RFX7: variants seen among roughly 807,000 people sequenced by gnomAD.
RFX7 encodes regulatory factor X7, also known as DNA-binding protein RFX7.
A neutral mutation model predicts 111.8 loss-of-function variants in RFX7; 26 were observed. The ratio of observed to expected loss-of-function variants is 0.23; its 90% CI spans 0.17 to 0.32. The LOEUF is 0.32. Among genes scored for constraint, RFX7 ranks in the 10% least tolerant of loss-of-function variants. The probability of loss-of-function intolerance (pLI) is 1.00; values close to 1 mark genes in which losing one functional copy is unlikely to be tolerated. For synonymous variants in RFX7, 624 were observed against 624.4 expected, an observed-to-expected ratio of 1.00 and a Z score of 0.01; for missense variants, 1,573 against 1,772.9, an observed-to-expected ratio of 0.89 and a Z score of 2.02.
intron 2 of RFX7, among the ~76,000 whole-genome samples, chr15:56,212,983 A>G (rs142179533): frequency 6.6e-6 from 1 of 152,340 alleles, no homozygotes; most frequent in Admixed American, 6.5e-5. Context: ...TGTATACTAT[A>G]TACCTATAAG....
At chr15:56,119,685 G>A (rs549063451) in intron 5 of RFX7, among the ~76,000 whole-genome samples, 41 of 151,730 alleles carry the variant, frequency 2.7e-4, no homozygotes, top group Non-Finnish European at 3.7e-4. Flanking sequence ...GCTGAGGCAG[G>A]AGAATCGCGT....
In RFX7 at chr15:56,096,518, A is replaced by C. The variant is rs1487041623; in HGVS notation, c.1210T>G (p.Ser404Ala). The C allele has an allele frequency of 4.4e-6, 7 of 1,603,256 alleles. No homozygotes were observed. The highest frequency in any genetic ancestry group is 6.0e-6 in the Non-Finnish European group (7 of 1,174,690). ...GGAGTCTTTGGTGCCTGTTTCACAGACTGCATGTGCTGAGTGACCACCTGT... is the reference window on the plus strand; with the variant it reads ...GGAGTCTTTGGTGCCTGTTTCACAGCCTGCATGTGCTGAGTGACCACCTGT... Reference protein sequence around the residue: ...NVQVVTQHMQSVKQAPKTPQN... With the variant: ...NVQVVTQHMQAVKQAPKTPQN... The change falls in exon 10 of 10, where the codon TCT becomes GCT. Residue 404 changes from serine (S) to alanine (A), a missense_variant. Around this residue, in one of 7 missense-constraint regions of RFX7, gnomAD observed 288 missense variants for 337.9 expected, o/e 0.85. Transcript: ENST00000559447.
At position 56,087,586 on chromosome 15, in the gene RFX7, G is replaced by A. The variant is rs78110270; in HGVS notation, c.*5759C>T. 30,952 of 456,122 alleles carry A rather than the reference G, an allele frequency of 0.068. 1,339 individuals carry two copies. Among genetic ancestry groups the A allele is most frequent in the Admixed American group, 0.13 (5,477 of 42,558 alleles). 28.3% of individuals were successfully genotyped at this position (456,122 alleles called of 1,614,324 possible). A position where few individuals can be genotyped will look rare whatever the true frequency, so the allele number is the denominator to read the frequency against. On this transcript the variant is annotated 3_prime_UTR_variant, in exon 10 of 10. Transcript: ENST00000559447. ...GTAAGTGTCTCCACTTAACTGCAAG[G>A]GAAGTTGGCAGATGCAGCCTTTTGG...
intron 5 of RFX7, among the ~76,000 whole-genome samples, chr15:56,122,423 G>T (rs1376704369): frequency 6.6e-6 from 1 of 152,166 alleles, no homozygotes; most frequent in African/African-American, 2.4e-5. Flanking sequence ...GGAGCTGGGG[G>T]AGTGGTGACA....
At chr15:56,134,303 T>C (rs4310791) in intron 5 of RFX7, among the ~76,000 whole-genome samples, 57,268 of 151,936 alleles carry the variant, frequency 0.38, 11,047 homozygotes, top group East Asian at 0.41. Context: ...TTTATTATCA[T>C]TGTCAGAGAT....
At chr15:56,154,239 T>C (rs1211085158) in intron 3 of RFX7, among the ~76,000 whole-genome samples, 2 of 152,216 alleles carry the variant, frequency 1.3e-5, no homozygotes, top group African/African-American at 4.8e-5. Context: ...GCTATCCCCA[T>C]CAAGCTACCA....
intron 2 of RFX7, among the ~76,000 whole-genome samples, chr15:56,228,816 A>C (rs2043515704): frequency 6.6e-6 from 1 of 152,144 alleles, no homozygotes; most frequent in Non-Finnish European, 1.5e-5. Flanking sequence ...GATGCCTGAA[A>C]CCACAGATGG....
intron 5 of RFX7, among the ~76,000 whole-genome samples, chr15:56,130,697 G>A (rs1442222784): frequency 6.6e-6 from 1 of 151,418 alleles, no homozygotes; most frequent in African/African-American, 2.4e-5. Context: ...ATGAAAAAAA[G>A]ACAAGAAAAT....
At chr15:56,240,349 C>A (rs977377973) in intron 2 of RFX7, among the ~76,000 whole-genome samples, 1 of 151,960 alleles carries the variant, frequency 6.6e-6, no homozygotes, top group Non-Finnish European at 1.5e-5. Context: ...AGAAACATAA[C>A]AACATTGTCA....
chr15:56,141,193 C>G (rs2042387524), intron 5 of RFX7, among the ~76,000 whole-genome samples: 2 of 150,050 alleles, frequency 1.3e-5, no homozygotes, highest in African/African-American at 2.5e-5. Context: ...AAAACAAAAA[C>G]AAAAGTTAGC....
At chr15:56,224,364 G>T (rs2043458230) in intron 2 of RFX7, among the ~76,000 whole-genome samples, 1 of 151,686 alleles carries the variant, frequency 6.6e-6, no homozygotes, top group Non-Finnish European at 1.5e-5. Context: ...TTAAAAAGAA[G>T]AAAATAAATA....
chr15:56,233,550 C>G (rs2043591252), intron 2 of RFX7, among the ~76,000 whole-genome samples: 1 of 151,926 alleles, frequency 6.6e-6, no homozygotes, highest in Non-Finnish European at 1.5e-5. Flanking sequence ...AAATACTGGA[C>G]ACGAGGATGA....
At chr15:56,142,944 A>G (rs1310590666) in intron 4 of RFX7, 44 bp from the exon 5 acceptor site, 1 of 1,606,186 alleles carries the variant, frequency 6.2e-7, no homozygotes, top group Non-Finnish European at 8.5e-7. Context: ...ACAGCAATTC[A>G]TTAACGATTT....
rs1446321941 is a variant in RFX7 at position 56,163,720 on chromosome 15, A to G, written c.195+15550T>C. Reference sequence around the variant, plus strand: ...GTGGCTGATCTATAGCAGAGACTCAAAACAGTTATCATTATTCTTTGTTAT... The same window carrying G: ...GTGGCTGATCTATAGCAGAGACTCAGAACAGTTATCATTATTCTTTGTTAT... On this transcript the variant is annotated intron_variant, in intron 3 of 9. Transcript: ENST00000559447. Among the ~76,000 whole-genome samples, 9 of 152,320 alleles carry G rather than the reference A, an allele frequency of 5.9e-5. No individual in the cohort carries two copies. The East Asian group carries it at 1.7e-3, about 29-fold the overall frequency.
intron 5 of RFX7, among the ~76,000 whole-genome samples, chr15:56,140,534 T>A (rs1420026707): frequency 2.0e-5 from 3 of 152,224 alleles, no homozygotes; most frequent in African/African-American, 7.2e-5. Context: ...CCTAGTGAGA[T>A]GAACCCAGTA....
At chr15:56,101,639 G>A in intron 7 of RFX7, 73 bp from the exon 8 acceptor site, 5 of 1,293,442 alleles carry the variant, frequency 3.9e-6, no homozygotes, top group Non-Finnish European at 5.5e-6. Context: ...TTAAAGATAT[G>A]TATTCTTAAT....
chr15:56,146,153 A>C (rs2042466278), intron 3 of RFX7, among the ~76,000 whole-genome samples: 1 of 152,072 alleles, frequency 6.6e-6, no homozygotes, highest in Non-Finnish European at 1.5e-5. Flanking sequence ...ATTGAATTGC[A>C]GTGGCTTAAT....
intron 5 of RFX7, among the ~76,000 whole-genome samples, chr15:56,141,049 A>G (rs973136562): frequency 1.3e-5 from 2 of 152,190 alleles, no homozygotes; most frequent in Non-Finnish European, 1.5e-5. Context: ...TATTTGCCCA[A>G]TGTGCCTTTT....
At chr15:56,137,915 T>C (rs2141010364) in intron 5 of RFX7, among the ~76,000 whole-genome samples, 2 of 152,206 alleles carry the variant, frequency 1.3e-5, no homozygotes, top group East Asian at 3.9e-4. Context: ...TTCCATGTAG[T>C]TGAGTGGTTT....
Sources: allele counts gnomAD v4.1 joint callset (sites outside exome capture counted in the v4.1 genomes callset), GRCh38; gene constraint gnomAD v4.1.1; regional missense constraint gnomAD v4.1.1; transcripts MANE v1.5; gene names NCBI Gene and HGNC (gene_info 2026-07-23, HGNC 2026-07-21).